Variants in PRDM16 observed in about 807,000 individuals in gnomAD.
PRDM16 encodes histone-lysine N-methyltransferase PRDM16.
Under a neutral mutation model 110.6 loss-of-function variants are expected in PRDM16, and 23 were observed. The observed-to-expected ratio is 0.21, with a 90% CI of 0.15 to 0.29. The LOEUF (loss-of-function observed/expected upper bound fraction) is 0.29. Ranked by LOEUF, PRDM16 falls within the 10% of genes least tolerant of loss-of-function variation. The probability of loss-of-function intolerance (pLI) is 1.00; values close to 1 mark genes in which losing one functional copy is unlikely to be tolerated. For synonymous variants in PRDM16, 799 were observed against 781.8 expected, an observed-to-expected ratio of 1.02 and a Z score of -0.37; for missense variants, 1,615 against 1,794.3, an observed-to-expected ratio of 0.90 and a Z score of 1.81.
At position 3,412,714 on chromosome 1, in the gene PRDM16, GC is replaced by G; in HGVS notation, c.2521del (p.Gln841ArgfsTer30). On this transcript the variant is annotated frameshift_variant, in exon 9 of 17. Transcript: ENST00000270722. LOFTEE classifies it high-confidence loss of function. ...ERKLGAGEGL[P>X]QVCPARMPQQ... ...GCAAGCTGGGCGCCGGCGAGGGGCTGCCCCAGGTGTGCCCGGCGCGGATGCC... is the reference window on the plus strand; with the variant it reads ...GCAAGCTGGGCGCCGGCGAGGGGCTGCCCAGGTGTGCCCGGCGCGGATGCC... The G allele has an allele frequency of 6.7e-7, 1 of 1,500,658 alleles. No individual in the cohort carries two copies. The highest frequency in any genetic ancestry group is 1.3e-5 in the South Asian group (1 of 76,626). The allele number at this position is 1,500,658 out of a possible 1,614,324, so 93.0% of individuals were successfully genotyped here.
In PRDM16 at chr1:3,412,540, C is replaced by T. The variant is rs1250189291; in HGVS notation, c.2343C>T (p.Asp781=). The T allele has an allele frequency of 9.3e-6, 15 of 1,612,454 alleles. No homozygotes were observed. In the South Asian group the frequency reaches 9.9e-5, roughly 11 times the overall value. ...TTGATCTCACCACCAAGCCCAAAGA[C>T]GTGAAGCCCATCCTGCCCATGCCCA... ...CPFDLTTKPK[D]VKPILPMPKG... Residue 781 remains aspartate, a synonymous_variant, in exon 9 of 17, where the codon GAC becomes GAT. Transcript: ENST00000270722.
intron 1 of PRDM16, among the ~76,000 whole-genome samples, chr1:3,149,934 G>A (rs1008258772): frequency 6.6e-6 from 1 of 152,178 alleles, no homozygotes; most frequent in Non-Finnish European, 1.5e-5. Flanking sequence ...CCTGGACAAG[G>A]TTCAAGGAGG....
At chr1:3,283,925 A>C (rs573020512) in intron 3 of PRDM16, among the ~76,000 whole-genome samples, 4 of 152,236 alleles carry the variant, frequency 2.6e-5, no homozygotes, top group Non-Finnish European at 5.9e-5. Context: ...TGTGGCTCAG[A>C]TTCGGGGGAC....
intron 1 of PRDM16, among the ~76,000 whole-genome samples, chr1:3,134,612 C>T (rs917256996): frequency 5.3e-5 from 8 of 152,218 alleles, no homozygotes; most frequent in Non-Finnish European, 5.9e-5. Context: ...GAAAAAGAAC[C>T]GTGAAAAGCT....
At chr1:3,384,508 G>C (rs1289538472) in intron 3 of PRDM16, among the ~76,000 whole-genome samples, 1 of 152,152 alleles carries the variant, frequency 6.6e-6, no homozygotes, top group Non-Finnish European at 1.5e-5. Flanking sequence ...AAAGTCCTAG[G>C]GGTTGCCACT....
chr1:3,227,689 C>T (rs774590564), intron 2 of PRDM16, among the ~76,000 whole-genome samples: 4 of 152,232 alleles, frequency 2.6e-5, no homozygotes, highest in Non-Finnish European at 5.9e-5. Context: ...CCCAAGTCCA[C>T]AGCTGGCTGC....
chr1:3,113,507 G>A (rs867636428), intron 1 of PRDM16, among the ~76,000 whole-genome samples: 19 of 151,912 alleles, frequency 1.3e-4, no homozygotes, highest in Admixed American at 2.6e-4. Flanking sequence ...GGAGGGGAGG[G>A]GACGAGACAG....
intron 14 of PRDM16, among the ~76,000 whole-genome samples, chr1:3,427,099 C>T (rs948864746): frequency 6.6e-6 from 1 of 152,238 alleles, no homozygotes; most frequent in South Asian, 2.1e-4. Context: ...CACGCATGGG[C>T]GCACGTGCGT....
In PRDM16 at chr1:3,434,908, C is replaced by T. The variant is rs560519902; in HGVS notation, c.*1097C>T. On this transcript the variant is annotated 3_prime_UTR_variant, in exon 17 of 17. Transcript: ENST00000270722. ...ACCCCAGCGGCTCCGGTGTCCTCCA[C>T]GTGGCTGCCCTGGGGAGCAATCCCA... 16 of 231,624 alleles carry T rather than the reference C, an allele frequency of 6.9e-5. No homozygotes were observed. Among genetic ancestry groups the T allele is most frequent in the South Asian group, 1.8e-4 (1 of 5,508 alleles). The allele number at this position is 231,624 out of a possible 1,614,324, so 14.3% of individuals were successfully genotyped here. A position where few individuals can be genotyped will look rare whatever the true frequency, so the allele number is the denominator to read the frequency against.
At chr1:3,166,787 G>C (rs1370278437) in intron 1 of PRDM16, among the ~76,000 whole-genome samples, 5 of 152,296 alleles carry the variant, frequency 3.3e-5, no homozygotes, top group African/African-American at 1.2e-4. Flanking sequence ...TTGCCTCTCT[G>C]AGTGGCCCCA....
At chr1:3,410,466 C>A (rs1643666918) in intron 8 of PRDM16, among the ~76,000 whole-genome samples, 1 of 152,182 alleles carries the variant, frequency 6.6e-6, no homozygotes, top group Non-Finnish European at 1.5e-5. Context: ...AGGGCTCCTG[C>A]CCGGGGTGAC....
At chr1:3,187,299 AG>A (rs1644281531) in intron 2 of PRDM16, among the ~76,000 whole-genome samples, 1 of 152,146 alleles carries the variant, frequency 6.6e-6, no homozygotes, top group South Asian at 2.1e-4. Context: ...TATTTTTGGC[AG>A]GGCCCCTGCC....
At chr1:3,304,562 T>A (rs748723695) in intron 3 of PRDM16, among the ~76,000 whole-genome samples, 1 of 152,028 alleles carries the variant, frequency 6.6e-6, no homozygotes, top group African/African-American at 2.4e-5. Flanking sequence ...GCGTTGTTGG[T>A]GTCACGGAGC....
At position 3,359,791 on chromosome 1, in the gene PRDM16, G is replaced by T. The variant is rs141137556; in HGVS notation, c.439-25361G>T. The stretch of plus-strand genomic sequence containing the variant: ...AGCCAGAAGGCAAGGCGGGAAAAAC[G>T]AGCCTGGCCTGAAACCACGCCCGTG... On this transcript the variant is annotated intron_variant, in intron 3 of 16. Coordinates refer to ENST00000270722, the MANE Select transcript of PRDM16 (RefSeq NM_022114.4). This position sits in a 1 kb window ranked among gnomAD's most constrained non-coding sequence, Gnocchi z 4.3. Among the ~76,000 whole-genome samples the T allele has an allele frequency of 6.6e-6, 1 of 151,230 alleles. No individual in the cohort carries two copies. The highest frequency in any genetic ancestry group is 1.5e-5 in the Non-Finnish European group (1 of 68,042).
intron 3 of PRDM16, among the ~76,000 whole-genome samples, chr1:3,326,893 G>A (rs904790615): frequency 2.6e-5 from 4 of 152,216 alleles, no homozygotes; most frequent in Admixed American, 2.6e-4. Context: ...TAGGCACAAT[G>A]TCTCCTCTGT....
intron 11 of PRDM16, 24 bp from the exon 12 acceptor site, chr1:3,418,643 C>T: frequency 6.4e-7 from 1 of 1,558,402 alleles, no homozygotes. Flanking sequence ...CCTCCCTCAC[C>T]CTCCCCACCT....
At chr1:3,266,570 C>G (rs181076729) in intron 3 of PRDM16, among the ~76,000 whole-genome samples, 5 of 152,330 alleles carry the variant, frequency 3.3e-5, no homozygotes, top group African/African-American at 4.8e-5. Context: ...AGGAGCCACT[C>G]CCTGGATCTC....
rs1203605968 is a variant in PRDM16 at position 3,244,009 on chromosome 1, C to G, written c.388-78C>G. The stretch of plus-strand genomic sequence containing the variant: ...GTGACTTTTGGGGACAGTGGTTCTG[C>G]CCCCACCATTTAGAACCCAGTGTAG... On this transcript the variant is annotated intron_variant, in intron 2 of 16. Coordinates refer to ENST00000270722, the MANE Select transcript of PRDM16 (RefSeq NM_022114.4). The surrounding 1 kb of genome is among the most constrained non-coding windows in gnomAD (Gnocchi z 4.1). 6.9e-7 allele frequency: 1 copy of G among 1,438,984 alleles called. No homozygotes were observed. Among genetic ancestry groups the G allele is most frequent in the Non-Finnish European group, 9.8e-7 (1 of 1,021,118 alleles). The allele number at this position is 1,438,984 out of a possible 1,614,324, so 89.1% of individuals were successfully genotyped here.
Position 3,431,989 on chromosome 1 carries a change from G to A in PRDM16, c.3545G>A (p.Gly1182Asp), listed in dbSNP as rs1290609760. 4 of 1,613,802 alleles carry A rather than the reference G, an allele frequency of 2.5e-6. No individual in the cohort carries two copies. ...TRRCAEDHEG[G>D]LLALEPMPTF... ...AGGTGTGCTGAGGACCACGAAGGCGGTCTGTTAGCTTTGGAGCCGATGCCG... is the reference window on the plus strand; with the variant it reads ...AGGTGTGCTGAGGACCACGAAGGCGATCTGTTAGCTTTGGAGCCGATGCCG... Residue 1182 changes from glycine to aspartate, a missense_variant, in exon 16 of 17, where the codon GGT (glycine) becomes GAT (aspartate). This residue lies in a region of PRDM16 where 327 missense variants were observed against 359.3 expected (regional missense o/e 0.91). Coordinates refer to ENST00000270722, the MANE Select transcript of PRDM16 (RefSeq NM_022114.4).
Sources: gnomAD v4.1 joint callset for allele counts (sites outside exome capture counted in the v4.1 genomes callset) on GRCh38, gnomAD v4.1.1 for gene constraint, gnomAD v4.1.1 regional missense constraint, Gnocchi (gnomAD v3.1) non-coding constraint, MANE v1.5 for transcripts, NCBI Gene and HGNC (gene_info 2026-07-23, HGNC 2026-07-21) for gene names.